The following NSD2 variants were observed in gnomAD, a reference collection of about 807,000 sequenced individuals.
NSD2 encodes the protein histone-lysine N-methyltransferase NSD2.
Under a neutral mutation model 139.0 loss-of-function variants are expected in NSD2, and 12 were observed. The ratio of observed to expected loss-of-function variants is 0.09; its 90% confidence interval spans 0.06 to 0.14. The LOEUF is 0.14. NSD2 is among the 10% of genes least tolerant of loss of function. The pLI is 1.00. For missense variants in NSD2, 1,155 were observed against 1,745.0 expected (o/e 0.66, Z 6.02); for synonymous variants, 669 against 648.7 (o/e 1.03, Z -0.48).
At chr4:1,872,629 AGAGAGAGC>A (rs1553856462) in intron 1 of NSD2, among the ~76,000 whole-genome samples, 2,144 of 142,538 alleles carry the variant, frequency 0.015, 56 homozygotes, top group Middle Eastern at 0.045. Context: ...AGAGAGAGAG[AGAGAGAGC>A]GCGCAGACCC....
chr4:1,954,874 G>A (rs1482976630), intron 12 of NSD2, among the ~76,000 whole-genome samples: 1 of 152,166 alleles, frequency 6.6e-6, no homozygotes, highest in East Asian at 1.9e-4. Context: ...GTGAGTAGAG[G>A]CCAGGGATGC....
At chr4:1,903,010 A>G (rs906247352) in intron 2 of NSD2, among the ~76,000 whole-genome samples, 2 of 152,172 alleles carry the variant, frequency 1.3e-5, no homozygotes, top group African/African-American at 2.4e-5. Flanking sequence ...CCCGGTCTCT[A>G]TAAAAAATAA....
At chr4:1,949,582 G>A in intron 9 of NSD2, among the ~76,000 whole-genome samples, 1 of 152,150 alleles carries the variant, frequency 6.6e-6, no homozygotes, top group East Asian at 1.9e-4. Context: ...CCAACATGGT[G>A]AAACCCCATC....
In NSD2 at chr4:1,891,116, G is replaced by C. The variant is rs148070365; in HGVS notation, c.-29-9510G>C. ...GCCATGTTGTCCAGGCTGATGTCGA[G>C]TTCTTGGGCTCAAGCAATCCTTCTG... On this transcript the variant is annotated intron_variant, in intron 1 of 21. Coordinates refer to ENST00000508803, the MANE Select transcript of NSD2 (RefSeq NM_001042424.3). Among the ~76,000 whole-genome samples, 1,004 of 152,254 alleles carry C rather than the reference G, an allele frequency of 6.6e-3. 12 individuals carry two copies. Among genetic ancestry groups the C allele is most frequent in the African/African-American group, 0.023 (963 of 41,552 alleles).
chr4:1,910,912 T>C (rs1253461797), intron 3 of NSD2, among the ~76,000 whole-genome samples: 2 of 152,214 alleles, frequency 1.3e-5, no homozygotes, highest in Non-Finnish European at 2.9e-5. Flanking sequence ...GGGAGCTCTG[T>C]GGTCTCATGT....
chr4:1,916,050 C>T (rs1394226070), intron 3 of NSD2, among the ~76,000 whole-genome samples: 1 of 152,150 alleles, frequency 6.6e-6, no homozygotes, highest in Non-Finnish European at 1.5e-5. Context: ...GCTTCTTCCT[C>T]TCAGCTAAGA....
intron 5 of NSD2, among the ~76,000 whole-genome samples, chr4:1,927,136 C>T (rs751134237): frequency 4.6e-5 from 7 of 152,178 alleles, no homozygotes; most frequent in South Asian, 2.1e-4. Flanking sequence ...CTCGGTCCTT[C>T]ACCATGTGGC....
In NSD2 at chr4:1,948,494, G is replaced by C. The variant is rs931067892; in HGVS notation, c.1882-2578G>C. On this transcript the variant is annotated intron_variant, in intron 9 of 21. Coordinates refer to ENST00000508803, the MANE Select transcript of NSD2 (RefSeq NM_001042424.3). The surrounding 1 kb of genome is among the most constrained non-coding windows in gnomAD (Gnocchi z 4.5). ...TTTGCTCTCCTTGCGGGTGGTTGCC[G>C]AGCCGAGAGCATTGGATCCTCCCCG... 9.4e-7 allele frequency: 1 copy of C among 1,064,518 alleles called. No homozygotes were observed. Among genetic ancestry groups the C allele is most frequent in the Non-Finnish European group, 1.1e-6 (1 of 878,018 alleles). 65.9% of individuals were successfully genotyped at this position (1,064,518 alleles called of 1,614,324 possible).
rs1727737408 is a variant in NSD2, at chr4:1,981,268, A to G, written c.*2359A>G. The G allele has an allele frequency of 4.3e-6, 1 of 233,228 alleles. No homozygotes were observed. Among genetic ancestry groups the G allele is most frequent in the Admixed American group, 5.6e-5 (1 of 17,780 alleles). The allele number at this position is 233,228 out of a possible 1,614,324, so 14.4% of individuals were successfully genotyped here. On this transcript the variant is annotated 3_prime_UTR_variant, in exon 22 of 22. Transcript: ENST00000508803. ...TTGAATGTCTCTACAATACCCGTTG[A>G]TAACTCAGTGGAGCCAGGCTTTGGG...
intron 1 of NSD2, among the ~76,000 whole-genome samples, chr4:1,879,110 G>A (rs938435960): frequency 6.6e-6 from 1 of 152,186 alleles, no homozygotes; most frequent in African/African-American, 2.4e-5. Context: ...GCTTAGAAGA[G>A]AAAGCCCTAG....
At chr4:1,873,673 CA>C (rs1553856699) in intron 1 of NSD2, among the ~76,000 whole-genome samples, 1 of 152,158 alleles carries the variant, frequency 6.6e-6, no homozygotes, top group Non-Finnish European at 1.5e-5. Flanking sequence ...TCAAATCTTA[CA>C]AAGTTTACTC....
chr4:1,920,974 G>A (rs1174016842), intron 5 of NSD2, among the ~76,000 whole-genome samples: 1 of 152,182 alleles, frequency 6.6e-6, no homozygotes, highest in African/African-American at 2.4e-5. Context: ...GAAGTTTAAG[G>A]CTGTGGTGAA....
intron 8 of NSD2, chr4:1,939,199 T>G (rs1471802252): frequency 1.3e-5 from 2 of 159,118 alleles, no homozygotes; most frequent in Non-Finnish European, 2.8e-5. Flanking sequence ...TTAAACAGAC[T>G]TTAAAAAAAA....
intron 11 of NSD2, chr4:1,953,094 CT>C (rs1166271353): frequency 1.3e-6 from 2 of 1,501,056 alleles, no homozygotes; most frequent in Admixed American, 4.5e-5. Flanking sequence ...TAAGATTCTC[CT>C]GTATTTCAGG....
chr4:1,884,854 A>T (rs1367190028), intron 1 of NSD2, among the ~76,000 whole-genome samples: 1 of 151,892 alleles, frequency 6.6e-6, no homozygotes, highest in Non-Finnish European at 1.5e-5. Context: ...CACGCCAGTA[A>T]TCCCAGCACT....
chr4:1,946,670 T>C, intron 9 of NSD2: 1 of 1,037,790 alleles, frequency 9.6e-7, no homozygotes, highest in Middle Eastern at 4.5e-4. Context: ...TATTGTTTTA[T>C]GTAGAATGTT....
chr4:1,916,048 C>T (rs985560978), intron 3 of NSD2, among the ~76,000 whole-genome samples: 12 of 152,156 alleles, frequency 7.9e-5, no homozygotes, highest in African/African-American at 2.9e-4. Flanking sequence ...TGGCTTCTTC[C>T]TCTCAGCTAA....
chr4:1,899,496 A>G (rs1007741496), intron 1 of NSD2: 5 of 152,296 alleles, frequency 3.3e-5, no homozygotes, highest in Non-Finnish European at 1.5e-5. Flanking sequence ...CCGCTGTTCT[A>G]GTCCACGGGC....
chr4:1,931,865 C>A lies in NSD2; in HGVS notation c.1555+1095C>A, dbSNP rs115907720. On this transcript the variant is annotated intron_variant, in intron 6 of 21. Transcript: ENST00000508803. ...TCTATCAGTACACTAAATTTAGAGA[C>A]GTGTTCCTTTTAAATGACTGGCTTA... Among the ~76,000 whole-genome samples, 1,305 of 152,186 alleles carry A rather than the reference C, an allele frequency of 8.6e-3. 20 individuals are homozygous for A. Among genetic ancestry groups the A allele is most frequent in the African/African-American group, 0.029 (1,208 of 41,502 alleles).
Sources: gnomAD v4.1 joint callset for allele counts (sites outside exome capture counted in the v4.1 genomes callset) on GRCh38, gnomAD v4.1.1 for gene constraint, Gnocchi (gnomAD v3.1) non-coding constraint, MANE v1.5 for transcripts, NCBI Gene and HGNC (gene_info 2026-07-23, HGNC 2026-07-21) for gene names.